The following RORB variants were observed in gnomAD, a reference collection of about 807,000 sequenced individuals.
RORB encodes the protein RAR related orphan receptor B.
RORB carries 6 observed loss-of-function variants against 59.1 expected under a neutral mutation model. The observed-to-expected ratio is 0.10, with a 90% CI of 0.06 to 0.20. The LOEUF is 0.20. RORB is among the 10% of genes least tolerant of loss of function. The pLI is 1.00. For synonymous variants in RORB, 215 were observed against 204.5 expected, an observed-to-expected ratio of 1.05 and a Z score of -0.44; for missense variants, 320 against 560.5, an observed-to-expected ratio of 0.57 and a Z score of 4.33.
intron 1 of RORB, among the ~76,000 whole-genome samples, chr9:74,541,279 C>CAAAAAAAAAAAA (rs374556016): frequency 0.013 from 563 of 43,530 alleles, 8 homozygotes; most frequent in Non-Finnish European, 0.015. Context: ...GACTCCATCT[C>CAAAAAAAAAAAA]AAAAAAAAAA....
rs1052442458 is a variant in RORB at position 74,690,812 on chromosome 9, G to A, written c.*5194G>A. On this transcript the variant is annotated 3_prime_UTR_variant, in exon 10 of 10. Transcript: ENST00000376896. ...AATGAAAACTATTCAATTTAGTGAT[G>A]GCTTATAAAAGACACTCCAACTTGT... 6.6e-6 allele frequency: 1 copy of A among 152,080 alleles called. No homozygotes were observed. Among genetic ancestry groups the A allele is most frequent in the Non-Finnish European group, 1.5e-5 (1 of 68,012 alleles). The allele number at this position is 152,080 out of a possible 1,614,324, so 9.4% of individuals were successfully genotyped here.
At chr9:74,576,769 A>G (rs1217859155) in intron 1 of RORB, among the ~76,000 whole-genome samples, 1 of 152,104 alleles carries the variant, frequency 6.6e-6, no homozygotes, top group Admixed American at 6.6e-5. Context: ...AGCCTTTTTT[A>G]AAGAACATTC....
chr9:74,618,714 C>A lies in RORB; in HGVS notation c.8-11568C>A, dbSNP rs117617000. ...GAAACAGCGTGTATGCTTTCTACAC[C>A]AAACTTTAGTCACTTGACTTTTGCT... On this transcript the variant is annotated intron_variant, in intron 1 of 9. Transcript: ENST00000376896. 1.1e-3 allele frequency among the ~76,000 whole-genome samples: 167 copies of A among 152,180 alleles called. 3 individuals carry two copies. In the East Asian group the frequency reaches 0.029, roughly 26 times the overall value.
chr9:74,680,949 A>G (rs1361667882), intron 9 of RORB, among the ~76,000 whole-genome samples: 1 of 152,200 alleles, frequency 6.6e-6, no homozygotes, highest in Non-Finnish European at 1.5e-5. Context: ...GGAGAGAAGC[A>G]TAGGATTATT....
At chr9:74,657,315 T>C (rs568557500) in intron 4 of RORB, among the ~76,000 whole-genome samples, 2 of 152,238 alleles carry the variant, frequency 1.3e-5, no homozygotes, top group South Asian at 4.1e-4. Flanking sequence ...TCTGCTTGCC[T>C]TGGCCTCCCA....
At chr9:74,664,451 A>AC (rs147433906) in intron 6 of RORB, among the ~76,000 whole-genome samples, 4,911 of 152,240 alleles carry the variant, frequency 0.032, 243 homozygotes, top group African/African-American at 0.11. Context: ...GCCTCATGTA[A>AC]CTCCTCCATA....
intron 5 of RORB, among the ~76,000 whole-genome samples, chr9:74,661,352 A>G (rs960061398): frequency 8.5e-5 from 13 of 152,212 alleles, no homozygotes; most frequent in African/African-American, 3.1e-4. Context: ...CCACCAGTAG[A>G]TGGAACTTTA....
At chr9:74,564,670 G>A (rs1414422163) in intron 1 of RORB, among the ~76,000 whole-genome samples, 1 of 152,128 alleles carries the variant, frequency 6.6e-6, no homozygotes, top group Non-Finnish European at 1.5e-5. Context: ...GTGAAAGGTA[G>A]GTAGAGTTAA....
intron 1 of RORB, among the ~76,000 whole-genome samples, chr9:74,588,980 A>G (rs1244406711): frequency 6.6e-6 from 1 of 152,106 alleles, no homozygotes; most frequent in African/African-American, 2.4e-5. Context: ...TGAAGGCTTC[A>G]TGTTCATGCT....
intron 1 of RORB, among the ~76,000 whole-genome samples, chr9:74,510,342 A>G (rs1271480405): frequency 6.6e-6 from 1 of 152,188 alleles, no homozygotes; most frequent in Non-Finnish European, 1.5e-5. Context: ...GTTTTACAGC[A>G]TGTAAAATAT....
At chr9:74,663,729 C>A (rs995961548) in intron 6 of RORB, among the ~76,000 whole-genome samples, 5 of 152,172 alleles carry the variant, frequency 3.3e-5, no homozygotes, top group African/African-American at 1.2e-4. Context: ...ATTCACACAG[C>A]TGATGAGTTG....
At chr9:74,643,203 A>C (rs1823840122) in intron 4 of RORB, among the ~76,000 whole-genome samples, 1 of 152,188 alleles carries the variant, frequency 6.6e-6, no homozygotes, top group Non-Finnish European at 1.5e-5. Flanking sequence ...GGAATAACCA[A>C]ACGAACAGGG....
intron 2 of RORB, 22 bp from the exon 3 acceptor site, chr9:74,634,609 C>T (rs1397997888): frequency 1.3e-6 from 2 of 1,587,074 alleles, no homozygotes; most frequent in Non-Finnish European, 1.7e-6. Flanking sequence ...CTGTTTCCCT[C>T]CCCTTCTCTT....
At chr9:74,670,334 T>C (rs1355997857) in intron 8 of RORB, among the ~76,000 whole-genome samples, 1 of 152,214 alleles carries the variant, frequency 6.6e-6, no homozygotes, top group Non-Finnish European at 1.5e-5. Context: ...CACTTTTCTC[T>C]TTGGGTATAT....
intron 1 of RORB, among the ~76,000 whole-genome samples, chr9:74,512,060 T>C (rs146655155): frequency 1.3e-5 from 2 of 152,178 alleles, no homozygotes; most frequent in African/African-American, 4.8e-5. Flanking sequence ...TTCTGCCTTA[T>C]TAAATTCTTT....
intron 2 of RORB, among the ~76,000 whole-genome samples, chr9:74,632,151 T>C (rs188088928): frequency 5.9e-5 from 9 of 152,232 alleles, no homozygotes; most frequent in Admixed American, 2.6e-4. Flanking sequence ...AAAAGCAAAA[T>C]ATTTTAAACA....
intron 1 of RORB, among the ~76,000 whole-genome samples, chr9:74,621,433 T>C (rs1823416588): frequency 6.6e-6 from 1 of 152,246 alleles, no homozygotes; most frequent in Non-Finnish European, 1.5e-5. Context: ...TCTTTTTATA[T>C]TGCCAAATAA....
chr9:74,505,511 C>T (rs1029637306), intron 1 of RORB, among the ~76,000 whole-genome samples: 3 of 151,974 alleles, frequency 2.0e-5, no homozygotes, highest in Non-Finnish European at 4.4e-5. Flanking sequence ...AGGTACAGGG[C>T]TGAACCCCAG....
At chr9:74,676,807 T>C (rs570171459) in intron 9 of RORB, among the ~76,000 whole-genome samples, 11 of 152,360 alleles carry the variant, frequency 7.2e-5, no homozygotes, top group Admixed American at 2.6e-4. Context: ...CTGCTAACCA[T>C]GTAGATGTCC....
Sources: gnomAD v4.1 joint callset for allele counts (sites outside exome capture counted in the v4.1 genomes callset) on GRCh38, gnomAD v4.1.1 for gene constraint, MANE v1.5 for transcripts, NCBI Gene and HGNC (gene_info 2026-07-23, HGNC 2026-07-21) for gene names.